MGAT4C: variants seen among roughly 807,000 people sequenced by gnomAD.
MGAT4C encodes MGAT4 family member C, also known as alpha-1,3-mannosyl-glycoprotein 4-beta-N-acetylglucosaminyltransferase C.
In MGAT4C, 19 loss-of-function variants were observed where a neutral mutation model predicts 40.1. That is an observed-to-expected ratio of 0.47 (90% CI 0.33 to 0.70). MGAT4C has a LOEUF of 0.70. Ranked by LOEUF, MGAT4C falls within the 30% of genes least tolerant of loss-of-function variation. The pLI is 0.02. For synonymous variants in MGAT4C, 181 were observed against 187.1 expected (o/e 0.97, Z 0.27); for missense variants, 491 against 563.2 (o/e 0.87, Z 1.30).
At position 86,028,131 on chromosome 12, in the gene MGAT4C, A is replaced by C; in HGVS notation, c.-7+21543T>G. On this transcript the variant is annotated intron_variant, in intron 2 of 4. Transcript: ENST00000611864. The stretch of plus-strand genomic sequence containing the variant: ...TGCATCTTCTGGATCCCTTTGCCAC[A>C]CTCCTCTGCACAGTCTTTCTTACAA... 3.1e-6 allele frequency: 4 copies of C among 1,287,554 alleles called. No homozygotes were observed. In the South Asian group the frequency reaches 4.9e-5, roughly 16 times the overall value. The allele number at this position is 1,287,554 out of a possible 1,614,324, so 79.8% of individuals were successfully genotyped here.
chr12:86,421,675 G>T (rs893560585), intron 3 of MGAT4C, among the ~76,000 whole-genome samples: 1 of 152,284 alleles, frequency 6.6e-6, no homozygotes, highest in Admixed American at 6.5e-5. Flanking sequence ...ACTCAGGGAG[G>T]CTGAGGCAGG....
At chr12:86,764,934 C>T (rs1951476818) in intron 1 of MGAT4C, among the ~76,000 whole-genome samples, 1 of 152,066 alleles carries the variant, frequency 6.6e-6, no homozygotes, top group South Asian at 2.1e-4. Flanking sequence ...AGCAGAAAAA[C>T]TGGAAACTCT....
rs146624821 is a variant in MGAT4C, at chr12:86,739,875, T to C, written c.-261-12634A>G. 6.3e-3 allele frequency among the ~76,000 whole-genome samples: 950 copies of C among 150,174 alleles called. 11 individuals carry two copies. The highest frequency in any genetic ancestry group is 0.022 in the African/African-American group (903 of 40,938). ...GCACACAAACACACACACACACACATATATATACACACACACATAAGTCCT... is the reference window on the plus strand; with the variant it reads ...GCACACAAACACACACACACACACACATATATACACACACACATAAGTCCT... On this transcript the variant is annotated intron_variant, in intron 1 of 7. Transcript: ENST00000548651.
chr12:86,470,394 TGAAGTAGGAAGGAA>T (rs1249109248), intron 2 of MGAT4C, among the ~76,000 whole-genome samples: 1 of 152,028 alleles, frequency 6.6e-6, no homozygotes, highest in Non-Finnish European at 1.5e-5. Flanking sequence ...CAAGAAGAAC[TGAAGTAGGAAGGAA>T]TCCTATGCTA....
At chr12:86,513,713 GC>G (rs899880548) in intron 2 of MGAT4C, among the ~76,000 whole-genome samples, 5 of 152,084 alleles carry the variant, frequency 3.3e-5, no homozygotes, top group African/African-American at 1.2e-4. Context: ...GACAACACTA[GC>G]AAAAATGGCC....
chr12:86,167,260 TATAGTC>T (rs1327521391), intron 1 of MGAT4C, among the ~76,000 whole-genome samples: 1 of 152,222 alleles, frequency 6.6e-6, no homozygotes, highest in African/African-American at 2.4e-5. Context: ...TCATGATAGT[TATAGTC>T]ATACAAAATT....
chr12:86,155,136 G>A (rs1884776769), intron 1 of MGAT4C, among the ~76,000 whole-genome samples: 1 of 152,156 alleles, frequency 6.6e-6, no homozygotes, highest in African/African-American at 2.4e-5. Flanking sequence ...TATTTTTCAG[G>A]TAGGGAAGAG....
chr12:86,408,136 C>A (rs1056015633), intron 3 of MGAT4C, among the ~76,000 whole-genome samples: 3 of 151,656 alleles, frequency 2.0e-5, no homozygotes, highest in African/African-American at 7.3e-5. Context: ...GACCAAATCT[C>A]TTGTGTTTTA....
intron 4 of MGAT4C, among the ~76,000 whole-genome samples, chr12:86,294,227 T>G (rs889557547): frequency 1.3e-5 from 2 of 152,140 alleles, no homozygotes; most frequent in African/African-American, 4.8e-5. Flanking sequence ...ACTACAGCAG[T>G]GGACATGTTT....
At chr12:85,999,328 TAGA>T (rs1565837164) in intron 2 of MGAT4C, among the ~76,000 whole-genome samples, 1 of 152,064 alleles carries the variant, frequency 6.6e-6, no homozygotes, top group African/African-American at 2.4e-5. Flanking sequence ...CAAATGCACA[TAGA>T]AGATTTTCTA....
At chr12:86,266,248 A>G (rs2136102031) in intron 4 of MGAT4C, among the ~76,000 whole-genome samples, 1 of 152,250 alleles carries the variant, frequency 6.6e-6, no homozygotes, top group East Asian at 1.9e-4. Context: ...AACTTTTCCT[A>G]ATTCAGTATG....
At chr12:86,760,360 C>T (rs1365793780) in intron 1 of MGAT4C, among the ~76,000 whole-genome samples, 5 of 151,944 alleles carry the variant, frequency 3.3e-5, no homozygotes, top group Admixed American at 6.6e-5. Context: ...GACTTAGGCA[C>T]GGATTTTTGT....
chr12:86,105,058 A>G (rs1875896935), intron 1 of MGAT4C, among the ~76,000 whole-genome samples: 1 of 152,136 alleles, frequency 6.6e-6, no homozygotes, highest in Non-Finnish European at 1.5e-5. Context: ...TTCCTTTTTC[A>G]TGAAAAATTT....
intron 3 of MGAT4C, among the ~76,000 whole-genome samples, chr12:86,417,159 A>G (rs1328988995): frequency 1.3e-5 from 2 of 152,118 alleles, no homozygotes; most frequent in Non-Finnish European, 2.9e-5. Flanking sequence ...AAATAGTTGA[A>G]TATTTTTTTT....
intron 1 of MGAT4C, among the ~76,000 whole-genome samples, chr12:86,784,587 G>T (rs1188564250): frequency 6.6e-6 from 1 of 151,262 alleles, no homozygotes. Context: ...TTAAAATCAT[G>T]ACAAGAGATA....
chr12:86,571,128 A>C (rs2136421881), intron 2 of MGAT4C, among the ~76,000 whole-genome samples: 2 of 152,106 alleles, frequency 1.3e-5, no homozygotes, highest in Non-Finnish European at 2.9e-5. Context: ...TTTTAACTTT[A>C]ATCACTCTTT....
chr12:86,710,850 A>G (rs1353913958), intron 2 of MGAT4C, among the ~76,000 whole-genome samples: 1 of 152,182 alleles, frequency 6.6e-6, no homozygotes. Context: ...AATACTACTT[A>G]GCCATAAAAA....
intron 4 of MGAT4C, among the ~76,000 whole-genome samples, chr12:86,275,364 T>C (rs1310005665): frequency 1.3e-5 from 2 of 152,142 alleles, no homozygotes; most frequent in African/African-American, 4.8e-5. Flanking sequence ...ACTTGTGTCC[T>C]CTGTTGAATA....
intron 4 of MGAT4C, among the ~76,000 whole-genome samples, chr12:86,310,739 T>C (rs181690149): frequency 6.6e-6 from 1 of 152,064 alleles, no homozygotes; most frequent in African/African-American, 2.4e-5. Context: ...CTGGCCAACA[T>C]GGTGAATCCC....
Sources: allele counts gnomAD v4.1 joint callset (sites outside exome capture counted in the v4.1 genomes callset), GRCh38; gene constraint gnomAD v4.1.1; transcripts MANE v1.5; gene names NCBI Gene and HGNC (gene_info 2026-07-23, HGNC 2026-07-21).